Variants in FSTL5 observed in about 807,000 individuals in gnomAD.
The protein encoded by FSTL5 is follistatin like 5.
In FSTL5, 62 loss-of-function variants were observed where a neutral mutation model predicts 89.1. That is an observed-to-expected ratio of 0.70 (90% CI 0.57 to 0.86). FSTL5 has a LOEUF of 0.86. FSTL5 is among the 40% of genes least tolerant of loss of function. The probability of loss-of-function intolerance (pLI) is 0.00; values close to 1 mark genes in which losing one functional copy is unlikely to be tolerated. For missense variants in FSTL5, 1,057 were observed against 1,001.6 expected (o/e 1.06, Z -0.75); for synonymous variants, 383 against 346.2 (o/e 1.11, Z -1.18).
At chr4:161,957,866 CT>C in intron 3 of FSTL5, among the ~76,000 whole-genome samples, 2 of 152,052 alleles carry the variant, frequency 1.3e-5, no homozygotes, top group East Asian at 3.9e-4. Flanking sequence ...ATTTTTCTTG[CT>C]TTGGGGGATG....
intron 4 of FSTL5, among the ~76,000 whole-genome samples, chr4:161,789,401 T>A (rs1449307827): frequency 1.3e-5 from 2 of 152,142 alleles, no homozygotes; most frequent in African/African-American, 4.8e-5. Flanking sequence ...TTTGAGGTAT[T>A]TTATTACCCT....
intron 7 of FSTL5, among the ~76,000 whole-genome samples, chr4:161,642,564 TA>T (rs1260366526): frequency 6.6e-6 from 1 of 152,100 alleles, no homozygotes; most frequent in African/African-American, 2.4e-5. Context: ...ACATTAAATT[TA>T]AAAAGGTTAC....
chr4:161,937,035 C>T (rs1734452167), intron 3 of FSTL5, among the ~76,000 whole-genome samples: 1 of 152,008 alleles, frequency 6.6e-6, no homozygotes, highest in Admixed American at 6.6e-5. Flanking sequence ...AACAAAAAGC[C>T]AGCATTAAGT....
chr4:161,703,471 T>C (rs1738471451), intron 6 of FSTL5, among the ~76,000 whole-genome samples: 1 of 152,132 alleles, frequency 6.6e-6, no homozygotes, highest in Admixed American at 6.6e-5. Flanking sequence ...TTCCTGAGAT[T>C]CAAAATTACC....
intron 4 of FSTL5, among the ~76,000 whole-genome samples, chr4:161,862,444 G>A (rs1731947391): frequency 6.6e-6 from 1 of 152,108 alleles, no homozygotes; most frequent in African/African-American, 2.4e-5. Context: ...CACTATAAGA[G>A]AGAATGAAGG....
At chr4:161,965,847 A>G (rs1735311197) in intron 3 of FSTL5, among the ~76,000 whole-genome samples, 1 of 151,882 alleles carries the variant, frequency 6.6e-6, no homozygotes, top group Admixed American at 6.6e-5. Flanking sequence ...ATTCCTTGGA[A>G]TTTTTCTCTT....
At chr4:161,392,521 A>G (rs1730854652) in intron 15 of FSTL5, among the ~76,000 whole-genome samples, 2 of 152,168 alleles carry the variant, frequency 1.3e-5, no homozygotes, top group Admixed American at 6.6e-5. Flanking sequence ...CACTGTACTC[A>G]GGTAAAATCT....
intron 11 of FSTL5, among the ~76,000 whole-genome samples, chr4:161,509,179 T>C (rs1461897030): frequency 6.6e-6 from 1 of 152,170 alleles, no homozygotes; most frequent in Non-Finnish European, 1.5e-5. Flanking sequence ...GGCCCGCTCC[T>C]GTAACCCCAG....
chr4:161,749,523 C>G (rs931703632), intron 6 of FSTL5, among the ~76,000 whole-genome samples: 31 of 152,076 alleles, frequency 2.0e-4, no homozygotes, highest in African/African-American at 7.5e-4. Flanking sequence ...ATAGGCCCGG[C>G]GCGGTGGCTC....
chr4:161,394,055 T>C (rs1730918402), intron 15 of FSTL5, among the ~76,000 whole-genome samples: 1 of 152,126 alleles, frequency 6.6e-6, no homozygotes, highest in Admixed American at 6.5e-5. Flanking sequence ...AGTTAATGTA[T>C]AGAGCTACAT....
intron 4 of FSTL5, among the ~76,000 whole-genome samples, chr4:161,884,286 T>C (rs1473558533): frequency 2.0e-5 from 3 of 152,154 alleles, no homozygotes; most frequent in Non-Finnish European, 1.5e-5. Context: ...TCTGCCTGCC[T>C]CAGCATTTTT....
chr4:161,408,339 C>A (rs895518652), intron 15 of FSTL5, among the ~76,000 whole-genome samples: 1 of 152,156 alleles, frequency 6.6e-6, no homozygotes, highest in Non-Finnish European at 1.5e-5. Flanking sequence ...CCCCCTCCTG[C>A]AAAACCAAGA....
At chr4:162,054,762 C>A (rs1224551264) in intron 2 of FSTL5, among the ~76,000 whole-genome samples, 3 of 151,692 alleles carry the variant, frequency 2.0e-5, no homozygotes, top group Non-Finnish European at 4.4e-5. Context: ...AAAGGAGTAT[C>A]TTTTTCAAGG....
intron 1 of FSTL5, among the ~76,000 whole-genome samples, chr4:162,126,260 G>A (rs970244276): frequency 2.0e-5 from 3 of 151,928 alleles, no homozygotes; most frequent in Admixed American, 2.0e-4. Flanking sequence ...AACATGTCCC[G>A]TTCTTTGTAT....
intron 12 of FSTL5, among the ~76,000 whole-genome samples, chr4:161,483,370 GAA>G (rs1729585074): frequency 6.6e-6 from 1 of 152,174 alleles, no homozygotes; most frequent in African/African-American, 2.4e-5. Context: ...CCAAAGTAAT[GAA>G]AAGTGTGAGT....
intron 6 of FSTL5, among the ~76,000 whole-genome samples, chr4:161,698,112 A>C (rs2126727096): frequency 6.6e-6 from 1 of 152,226 alleles, no homozygotes; most frequent in South Asian, 2.1e-4. Context: ...GTGCCCTTAT[A>C]AAAGACACCC....
chr4:161,752,267 AGATAGATG>A (rs1382607516), intron 6 of FSTL5, among the ~76,000 whole-genome samples: 2 of 150,586 alleles, frequency 1.3e-5, no homozygotes, highest in Admixed American at 6.7e-5. Flanking sequence ...ATAGATAGAT[AGATAGATG>A]GAATGTTTCC....
chr4:162,128,429 C>T (rs1732167923), intron 1 of FSTL5, among the ~76,000 whole-genome samples: 1 of 152,054 alleles, frequency 6.6e-6, no homozygotes, highest in African/African-American at 2.4e-5. Flanking sequence ...GGGAACAGTA[C>T]CCTTATGAAA....
intron 7 of FSTL5, among the ~76,000 whole-genome samples, chr4:161,611,318 T>C (rs984635405): frequency 4.0e-5 from 6 of 149,038 alleles, no homozygotes; most frequent in Admixed American, 1.3e-4. Flanking sequence ...AAGGACTGTT[T>C]TTGCCTGCAA....
Sources: allele counts gnomAD v4.1 joint callset (sites outside exome capture counted in the v4.1 genomes callset), GRCh38; gene constraint gnomAD v4.1.1; transcripts MANE v1.5; gene names NCBI Gene and HGNC (gene_info 2026-07-23, HGNC 2026-07-21).